The following IMMP2L variants were observed in gnomAD, a reference collection of about 807,000 sequenced individuals.
The protein encoded by IMMP2L is inner mitochondrial membrane peptidase subunit 2.
Under a neutral mutation model 19.3 loss-of-function variants are expected in IMMP2L, and 18 were observed. The observed-to-expected ratio is 0.93, with a 90% confidence interval of 0.64 to 1.38. The LOEUF is 1.38. IMMP2L is among the 40% of genes most tolerant of loss of function. The pLI is 0.00. For missense variants in IMMP2L, 233 were observed against 218.2 expected, an observed-to-expected ratio of 1.07 and a Z score of -0.43; for synonymous variants, 76 against 73.0, an observed-to-expected ratio of 1.04 and a Z score of -0.21.
chr7:110,963,904 C>A (rs946896119), intron 3 of IMMP2L, among the ~76,000 whole-genome samples: 1 of 151,520 alleles, frequency 6.6e-6, no homozygotes, highest in Non-Finnish European at 1.5e-5. Context: ...GCTCTGTGTC[C>A]CCACCCAAGT....
chr7:110,680,537 A>C (rs1285999498), intron 5 of IMMP2L, among the ~76,000 whole-genome samples: 3 of 152,184 alleles, frequency 2.0e-5, no homozygotes, highest in Non-Finnish European at 2.9e-5. Context: ...ACTTCTCAAG[A>C]AGAAACAGAT....
chr7:111,522,419 G>A (rs1323808113), intron 1 of IMMP2L, among the ~76,000 whole-genome samples: 3 of 151,972 alleles, frequency 2.0e-5, no homozygotes, highest in African/African-American at 7.2e-5. Flanking sequence ...TCTGACAAGA[G>A]GCTAATATCC....
Position 110,963,173 on chromosome 7 carries a change from T to C in IMMP2L, c.305+327A>G. 3.9e-6 allele frequency: 4 copies of C among 1,038,070 alleles called. No individual in the cohort carries two copies. In the South Asian group the frequency reaches 7.0e-5, roughly 18 times the overall value. 64.3% of individuals were successfully genotyped at this position (1,038,070 alleles called of 1,614,324 possible). On this transcript the variant is annotated intron_variant, in intron 4 of 5. Coordinates refer to ENST00000405709, the MANE Select transcript of IMMP2L (RefSeq NM_032549.4). ...TTCTTGAATTTTTTTAAATGAACCT[T>C]AACATCATAATCTTAATCTTAAAAT...
intron 5 of IMMP2L, chr7:110,724,552 G>C (rs915289440): frequency 2.0e-5 from 3 of 152,062 alleles, no homozygotes; most frequent in Admixed American, 6.6e-5. Context: ...TAATGTTGCA[G>C]CTTCTCTGAG....
chr7:111,035,253 CAA>C (rs1791218844), intron 3 of IMMP2L, among the ~76,000 whole-genome samples: 1 of 152,112 alleles, frequency 6.6e-6, no homozygotes, highest in Non-Finnish European at 1.5e-5. Context: ...CGTGTAAAGA[CAA>C]TGACAGAAAT....
At chr7:111,550,360 C>G (rs1279031266) in intron 1 of IMMP2L, among the ~76,000 whole-genome samples, 1 of 152,090 alleles carries the variant, frequency 6.6e-6, no homozygotes, top group East Asian at 1.9e-4. Flanking sequence ...ACTCTGTATA[C>G]TATAAGCATA....
chr7:111,139,193 G>A (rs549740240), intron 3 of IMMP2L, among the ~76,000 whole-genome samples: 27 of 151,762 alleles, frequency 1.8e-4, no homozygotes, highest in Non-Finnish European at 3.4e-4. Context: ...ATTTTGGAAC[G>A]GAGCTAACAA....
intron 3 of IMMP2L, among the ~76,000 whole-genome samples, chr7:111,445,618 T>G (rs1396577383): frequency 6.6e-6 from 1 of 152,130 alleles, no homozygotes; most frequent in African/African-American, 2.4e-5. Context: ...CGTTCTAGGT[T>G]TCAGATTACA....
At chr7:110,991,075 G>A (rs759706571) in intron 3 of IMMP2L, among the ~76,000 whole-genome samples, 4 of 152,120 alleles carry the variant, frequency 2.6e-5, no homozygotes, top group African/African-American at 9.7e-5. Flanking sequence ...CAAATCCTAT[G>A]AGCTGTTTAC....
At chr7:111,489,986 C>T (rs757320603) in intron 2 of IMMP2L, among the ~76,000 whole-genome samples, 28 of 151,602 alleles carry the variant, frequency 1.8e-4, no homozygotes, top group East Asian at 5.8e-4. Flanking sequence ...TTAGTAGAGA[C>T]GGGGTTTCAC....
At chr7:111,209,894 T>C (rs780742414) in intron 3 of IMMP2L, among the ~76,000 whole-genome samples, 1 of 152,184 alleles carries the variant, frequency 6.6e-6, no homozygotes, top group Non-Finnish European at 1.5e-5. Flanking sequence ...GGCCTCATCT[T>C]GCCCACTTCT....
intron 5 of IMMP2L, among the ~76,000 whole-genome samples, chr7:110,753,907 G>A (rs1033996869): frequency 6.6e-6 from 1 of 151,856 alleles, no homozygotes; most frequent in Non-Finnish European, 1.5e-5. Flanking sequence ...AAAATAGAAG[G>A]ACAAATGGGG....
At chr7:110,927,565 G>C (rs1004087684) in intron 4 of IMMP2L, among the ~76,000 whole-genome samples, 1 of 152,074 alleles carries the variant, frequency 6.6e-6, no homozygotes, top group African/African-American at 2.4e-5. Flanking sequence ...CAAGGAGATG[G>C]AATGTCACTG....
chr7:111,019,363 G>A (rs1023927996), intron 3 of IMMP2L, among the ~76,000 whole-genome samples: 1 of 152,138 alleles, frequency 6.6e-6, no homozygotes, highest in African/African-American at 2.4e-5. Flanking sequence ...AGGCAGCAGG[G>A]CAAGGGGCAG....
At chr7:110,808,482 T>C (rs960217242) in intron 5 of IMMP2L, among the ~76,000 whole-genome samples, 2 of 152,044 alleles carry the variant, frequency 1.3e-5, no homozygotes, top group African/African-American at 2.4e-5. Context: ...GAGCTATTAA[T>C]TGACTTAGCT....
At chr7:111,342,392 G>A (rs1413868431) in intron 3 of IMMP2L, among the ~76,000 whole-genome samples, 1 of 152,068 alleles carries the variant, frequency 6.6e-6, no homozygotes, top group Admixed American at 6.6e-5. Flanking sequence ...AGGAGATCGA[G>A]ACCATCCTGG....
chr7:110,684,148 A>G (rs563772791), intron 5 of IMMP2L, among the ~76,000 whole-genome samples: 1 of 152,280 alleles, frequency 6.6e-6, no homozygotes, highest in Admixed American at 6.5e-5. Flanking sequence ...GTAGCAATAA[A>G]ATAAAACTGG....
chr7:111,149,959 C>G (rs1269511798), intron 3 of IMMP2L, among the ~76,000 whole-genome samples: 4 of 152,236 alleles, frequency 2.6e-5, no homozygotes, highest in African/African-American at 7.2e-5. Flanking sequence ...AATACACTGA[C>G]AGTTCACCAA....
Position 111,376,349 on chromosome 7 carries a change from C to G in IMMP2L, c.239+110889G>C, listed in dbSNP as rs187878022. ...ATCAGGGAAATGCAAATCAAAACCA[C>G]GAGATACTACCTCACATCTACTAGG... On this transcript the variant is annotated intron_variant, in intron 3 of 5. Coordinates refer to ENST00000405709, the MANE Select transcript of IMMP2L (RefSeq NM_032549.4). Among the ~76,000 whole-genome samples, 17 of 152,092 alleles carry G rather than the reference C, an allele frequency of 1.1e-4. No individual in the cohort carries two copies. In the East Asian group the frequency reaches 3.1e-3, roughly 28 times the overall value.
Sources: allele counts gnomAD v4.1 joint callset (sites outside exome capture counted in the v4.1 genomes callset), GRCh38; gene constraint gnomAD v4.1.1; transcripts MANE v1.5; gene names NCBI Gene and HGNC (gene_info 2026-07-23, HGNC 2026-07-21).